MYO1D: variants seen among roughly 807,000 people sequenced by gnomAD.
MYO1D encodes the protein myosin ID, also known as unconventional myosin-Id.
Under a neutral mutation model 122.0 loss-of-function variants are expected in MYO1D, and 83 were observed. The observed-to-expected ratio is 0.68, with a 90% CI of 0.57 to 0.82. The LOEUF (loss-of-function observed/expected upper bound fraction) is 0.82. Among genes scored for constraint, MYO1D ranks in the 40% least tolerant of loss-of-function variants. The pLI is 0.00. For missense variants in MYO1D, 1,157 were observed against 1,269.5 expected, an observed-to-expected ratio of 0.91 and a Z score of 1.35; for synonymous variants, 464 against 446.9, an observed-to-expected ratio of 1.04 and a Z score of -0.48.
At chr17:32,821,353 C>T (rs2090661601) in intron 1 of MYO1D, among the ~76,000 whole-genome samples, 1 of 152,110 alleles carries the variant, frequency 6.6e-6, no homozygotes, top group Admixed American at 6.5e-5. Flanking sequence ...CATTGTTTAA[C>T]TTGTGGGAAT....
chr17:32,729,315 C>T (rs2089610404), intron 14 of MYO1D, among the ~76,000 whole-genome samples: 1 of 152,152 alleles, frequency 6.6e-6, no homozygotes, highest in African/African-American at 2.4e-5. Flanking sequence ...TAATAATTTA[C>T]TGACAATCTG....
Position 32,659,582 on chromosome 17 carries a change from C to T in MYO1D, c.2122-244G>A, listed in dbSNP as rs554222017. The stretch of plus-strand genomic sequence containing the variant: ...ATTCTACACTGAAGTGTGTGCTGAG[C>T]CTGAAGCTGAGTCCTGTTTTAACTC... On this transcript the variant is annotated intron_variant, in intron 16 of 21. Coordinates refer to ENST00000318217, the MANE Select transcript of MYO1D (RefSeq NM_015194.3). 31 of 530,476 alleles carry T rather than the reference C, an allele frequency of 5.8e-5. No individual in the cohort carries two copies. In the African/African-American group the frequency reaches 5.9e-4, roughly 10 times the overall value. The allele number at this position is 530,476 out of a possible 1,614,324, so 32.9% of individuals were successfully genotyped here.
At chr17:32,597,868 CAAAA>C (rs755415435) in intron 21 of MYO1D, among the ~76,000 whole-genome samples, 17 of 62,710 alleles carry the variant, frequency 2.7e-4, no homozygotes, top group East Asian at 5.9e-4. Flanking sequence ...AACCCTGTCT[CAAAA>C]AAAAAAAAAA....
intron 1 of MYO1D, among the ~76,000 whole-genome samples, chr17:32,812,085 C>T (rs946080542): frequency 3.3e-5 from 5 of 152,202 alleles, no homozygotes; most frequent in Admixed American, 3.3e-4. Flanking sequence ...GTAGCCAACA[C>T]ATTCTGCTAT....
chr17:32,691,713 A>C (rs917750462), intron 16 of MYO1D, among the ~76,000 whole-genome samples: 3 of 152,138 alleles, frequency 2.0e-5, no homozygotes, highest in Non-Finnish European at 4.4e-5. Context: ...GCCACAAAAA[A>C]ATTTCTTACA....
At chr17:32,752,814 T>A (rs1465786517) in intron 11 of MYO1D, among the ~76,000 whole-genome samples, 1 of 152,166 alleles carries the variant, frequency 6.6e-6, no homozygotes, top group East Asian at 1.9e-4. Context: ...ACATTGTTGG[T>A]GGGAATGTAA....
chr17:32,803,043 G>A (rs2090473599), intron 1 of MYO1D, among the ~76,000 whole-genome samples: 1 of 152,218 alleles, frequency 6.6e-6, no homozygotes, highest in Non-Finnish European at 1.5e-5. Context: ...AGGGCATGGT[G>A]AGGGCTGTGA....
intron 20 of MYO1D, among the ~76,000 whole-genome samples, chr17:32,634,429 C>G (rs1441331350): frequency 6.6e-6 from 1 of 152,212 alleles, no homozygotes; most frequent in Non-Finnish European, 1.5e-5. Context: ...TAACCTATCA[C>G]TGGTGACCCA....
intron 21 of MYO1D, among the ~76,000 whole-genome samples, chr17:32,571,322 C>T (rs116785948): frequency 6.6e-6 from 1 of 152,048 alleles, no homozygotes; most frequent in Non-Finnish European, 1.5e-5. Context: ...GGTTTTTAAC[C>T]CTGGCAACCC....
At chr17:32,829,160 C>CT (rs1250720089) in intron 1 of MYO1D, among the ~76,000 whole-genome samples, 1 of 152,174 alleles carries the variant, frequency 6.6e-6, no homozygotes, top group Non-Finnish European at 1.5e-5. Flanking sequence ...AGAGAGTCAT[C>CT]TAACAGGGAG....
chr17:32,824,866 T>C (rs1167074218), intron 1 of MYO1D, among the ~76,000 whole-genome samples: 1 of 152,204 alleles, frequency 6.6e-6, no homozygotes, highest in Non-Finnish European at 1.5e-5. Context: ...TTATAGTAGC[T>C]GGCTGTCCAA....
At chr17:32,706,922 T>G (rs781634023) in intron 16 of MYO1D, among the ~76,000 whole-genome samples, 1 of 151,966 alleles carries the variant, frequency 6.6e-6, no homozygotes, top group Non-Finnish European at 1.5e-5. Flanking sequence ...GGGCCCGATC[T>G]CCTGACCTTG....
At chr17:32,796,258 T>C (rs2090416192) in intron 1 of MYO1D, among the ~76,000 whole-genome samples, 2 of 152,178 alleles carry the variant, frequency 1.3e-5, no homozygotes, top group South Asian at 4.1e-4. Flanking sequence ...TTACCTTAAC[T>C]GGGGAGTTAG....
chr17:32,780,081 G>A lies in MYO1D; in HGVS notation c.304+495C>T, dbSNP rs376612815. On this transcript the variant is annotated intron_variant, in intron 2 of 21. Coordinates refer to ENST00000318217, the MANE Select transcript of MYO1D (RefSeq NM_015194.3). ...ACATGTGAGGTGTGTACCCTATCTCGTGCCTATCTCCCCCCTTGTTGGGCT... is the reference window on the plus strand; with the variant it reads ...ACATGTGAGGTGTGTACCCTATCTCATGCCTATCTCCCCCCTTGTTGGGCT... Among the ~76,000 whole-genome samples, 4 of 152,060 alleles carry A rather than the reference G, an allele frequency of 2.6e-5. No homozygotes were observed. In the South Asian group the frequency reaches 8.3e-4, roughly 32 times the overall value.
rs1251243559 is a variant in MYO1D at position 32,567,590 on chromosome 17, T to G, written c.2864+37497A>C. Among the ~76,000 whole-genome samples, 3 of 152,234 alleles carry G rather than the reference T, an allele frequency of 2.0e-5. No homozygotes were observed. The East Asian group carries it at 5.8e-4, about 29-fold the overall frequency. On this transcript the variant is annotated intron_variant, in intron 21 of 21. Transcript: ENST00000318217. Reference sequence around the variant, plus strand: ...ACCAATCTCACTCCAAACCTTGTACTCTTTCTCTGCCCTGTGCTGTGTTGC... The same window carrying G: ...ACCAATCTCACTCCAAACCTTGTACGCTTTCTCTGCCCTGTGCTGTGTTGC...
intron 1 of MYO1D, among the ~76,000 whole-genome samples, chr17:32,815,847 T>G (rs767254695): frequency 1.3e-5 from 2 of 152,240 alleles, no homozygotes; most frequent in Non-Finnish European, 2.9e-5. Context: ...AGGTACATTT[T>G]CCTATGTAAA....
At chr17:32,582,387 T>C (rs907470037) in intron 21 of MYO1D, among the ~76,000 whole-genome samples, 10 of 152,254 alleles carry the variant, frequency 6.6e-5, no homozygotes, top group African/African-American at 2.2e-4. Flanking sequence ...AAGTTCAAAA[T>C]ACTAATGTCT....
At chr17:32,648,214 A>G (rs905587021) in intron 19 of MYO1D, among the ~76,000 whole-genome samples, 6 of 151,918 alleles carry the variant, frequency 3.9e-5, no homozygotes, top group Admixed American at 1.3e-4. Flanking sequence ...ACTGCCTCAA[A>G]AAAACAAAAC....
chr17:32,658,856 T>G, intron 17 of MYO1D: 2 of 477,894 alleles, frequency 4.2e-6, no homozygotes, highest in South Asian at 5.4e-5. Context: ...TAGTAGCTTA[T>G]CTTAACTATG....
Sources: allele counts gnomAD v4.1 joint callset (sites outside exome capture counted in the v4.1 genomes callset), GRCh38; gene constraint gnomAD v4.1.1; transcripts MANE v1.5; gene names NCBI Gene and HGNC (gene_info 2026-07-23, HGNC 2026-07-21).